The following PLCB1 variants were observed in gnomAD, a reference collection of about 807,000 sequenced individuals.
The protein encoded by PLCB1 is 1-phosphatidylinositol 4,5-bisphosphate phosphodiesterase beta-1.
A neutral mutation model predicts 161.8 loss-of-function variants in PLCB1; 46 were observed. The observed-to-expected ratio is 0.28, with a 90% confidence interval of 0.22 to 0.36. The LOEUF (loss-of-function observed/expected upper bound fraction) is 0.36, where lower values mean the gene tolerates loss of function less well. Among genes scored for constraint, PLCB1 ranks in the 10% least tolerant of loss-of-function variants. PLCB1 has a pLI of 1.00. For synonymous variants in PLCB1, 517 were observed against 503.7 expected, an observed-to-expected ratio of 1.03 and a Z score of -0.35; for missense variants, 1,016 against 1,472.5, an observed-to-expected ratio of 0.69 and a Z score of 5.07.
intron 2 of PLCB1, among the ~76,000 whole-genome samples, chr20:8,270,290 T>C (rs1407274284): frequency 2.0e-5 from 3 of 152,150 alleles, no homozygotes; most frequent in Non-Finnish European, 4.4e-5. Flanking sequence ...CACCCTGCCC[T>C]TCAACTTGCT....
intron 2 of PLCB1, among the ~76,000 whole-genome samples, chr20:8,182,921 T>G (rs1010216108): frequency 1.3e-5 from 2 of 152,254 alleles, no homozygotes; most frequent in Non-Finnish European, 2.9e-5. Flanking sequence ...GAGATAAAAT[T>G]TGACTCTATA....
At chr20:8,721,864 C>G (rs537387926) in intron 14 of PLCB1, among the ~76,000 whole-genome samples, 5 of 152,120 alleles carry the variant, frequency 3.3e-5, no homozygotes, top group Non-Finnish European at 7.3e-5. Context: ...AATGTCAACA[C>G]AAGATCACTG....
intron 3 of PLCB1, among the ~76,000 whole-genome samples, chr20:8,407,904 A>G (rs1372575456): frequency 2.0e-5 from 3 of 152,068 alleles, no homozygotes; most frequent in Non-Finnish European, 2.9e-5. Flanking sequence ...AAAATACCTG[A>G]GCAGGATTCC....
At chr20:8,542,586 G>A (rs1162578270) in intron 3 of PLCB1, among the ~76,000 whole-genome samples, 3 of 152,258 alleles carry the variant, frequency 2.0e-5, no homozygotes, top group South Asian at 2.1e-4. Flanking sequence ...TTGAGAGCGG[G>A]GGAGAAAAAG....
At chr20:8,470,346 C>G (rs140708580) in intron 3 of PLCB1, among the ~76,000 whole-genome samples, 20 of 152,102 alleles carry the variant, frequency 1.3e-4, no homozygotes, top group Admixed American at 1.3e-3. Flanking sequence ...TGACAGTTTT[C>G]CTAAAGAGTT....
intron 3 of PLCB1, among the ~76,000 whole-genome samples, chr20:8,498,926 CG>C (rs1740058591): frequency 6.6e-6 from 1 of 152,088 alleles, no homozygotes; most frequent in Admixed American, 6.5e-5. Context: ...AAGTACAGCA[CG>C]GGTCATTAGT....
chr20:8,310,543 T>A (rs1984349361), intron 2 of PLCB1, among the ~76,000 whole-genome samples: 1 of 152,212 alleles, frequency 6.6e-6, no homozygotes, highest in Admixed American at 6.5e-5. Flanking sequence ...AAAGGGGTAT[T>A]TGGGGGCTGT....
chr20:8,265,901 A>G (rs1475746387), intron 2 of PLCB1, among the ~76,000 whole-genome samples: 1 of 152,218 alleles, frequency 6.6e-6, no homozygotes, highest in Non-Finnish European at 1.5e-5. Context: ...GTGGAAATCA[A>G]TCATTAGAGT....
chr20:8,433,558 G>A (rs1320748874), intron 3 of PLCB1, among the ~76,000 whole-genome samples: 1 of 147,188 alleles, frequency 6.8e-6, no homozygotes, highest in Non-Finnish European at 1.5e-5. Context: ...AATCTCCCAT[G>A]CCTGTTTTCT....
chr20:8,538,514 T>C (rs2876133), intron 3 of PLCB1, among the ~76,000 whole-genome samples: 95,963 of 151,864 alleles, frequency 0.63, 31,019 homozygotes, highest in African/African-American at 0.76. Flanking sequence ...CCTGGCTAAT[T>C]TTTAAAAAAT....
rs147856693 is a variant in PLCB1 at position 8,757,865 on chromosome 20, G to GAATAAATA, written c.2656+710_2656+717dup. Among the ~76,000 whole-genome samples the GAATAAATA allele has an allele frequency of 1.8e-3, 271 of 148,852 alleles. 2 individuals are homozygous for GAATAAATA. The highest frequency in any genetic ancestry group is 6.0e-3 in the African/African-American group (244 of 40,374). On this transcript the variant is annotated intron_variant, in intron 24 of 31. Transcript: ENST00000338037. Reference sequence around the variant, plus strand: ...GTCTCATTTCTCAAAATGAATAAATGAATAAATAAATAAATAAATAAATAA... The same window carrying GAATAAATA: ...GTCTCATTTCTCAAAATGAATAAATGAATAAATAAATAAATAAATAAATAAATAAATAA...
At chr20:8,846,997 A>G (rs1986711748) in intron 31 of PLCB1, among the ~76,000 whole-genome samples, 1 of 152,212 alleles carries the variant, frequency 6.6e-6, no homozygotes, top group Non-Finnish European at 1.5e-5. Context: ...AAATATTGGA[A>G]TCAGAGGAGC....
chr20:8,209,265 A>G (rs1978694186), intron 2 of PLCB1, among the ~76,000 whole-genome samples: 1 of 152,088 alleles, frequency 6.6e-6, no homozygotes, highest in Admixed American at 6.6e-5. Flanking sequence ...GGGTTTGTCA[A>G]CAATTGTAGA....
In PLCB1 at chr20:8,150,608, T is replaced by C. The variant is rs1232436246; in HGVS notation, c.177+237T>C. On this transcript the variant is annotated intron_variant, in intron 2 of 31. Coordinates refer to ENST00000338037, the MANE Select transcript of PLCB1 (RefSeq NM_015192.4). ...CAATTGGTATTTTTGGTTCTGTTTATATTATGTGTTAGGATAAGAACAGGG... is the reference window on the plus strand; with the variant it reads ...CAATTGGTATTTTTGGTTCTGTTTACATTATGTGTTAGGATAAGAACAGGG... Among the ~76,000 whole-genome samples the C allele has an allele frequency of 1.3e-5, 2 of 152,198 alleles. 1 individual carries two copies. Among genetic ancestry groups the C allele is most frequent in the East Asian group, 3.8e-4 (2 of 5,202 alleles).
At chr20:8,429,576 G>C (rs1014483938) in intron 3 of PLCB1, among the ~76,000 whole-genome samples, 1 of 151,884 alleles carries the variant, frequency 6.6e-6, no homozygotes, top group Non-Finnish European at 1.5e-5. Flanking sequence ...ATGATGGTTT[G>C]TAAAACTTCA....
Position 8,235,892 on chromosome 20 carries a change from G to A in PLCB1, c.177+85521G>A, listed in dbSNP as rs1247425183. Among the ~76,000 whole-genome samples, 3 of 151,962 alleles carry A rather than the reference G, an allele frequency of 2.0e-5. No homozygotes were observed. In the South Asian group the frequency reaches 6.2e-4, roughly 32 times the overall value. Reference sequence around the variant, plus strand: ...GACCTATATTTAAAAAAAATCTTAAGGCGTGTATAGGATTCTTGTATTAAA... The same window carrying A: ...GACCTATATTTAAAAAAAATCTTAAAGCGTGTATAGGATTCTTGTATTAAA... On this transcript the variant is annotated intron_variant, in intron 2 of 31. Transcript: ENST00000338037.
At chr20:8,420,292 C>T (rs534708847) in intron 3 of PLCB1, among the ~76,000 whole-genome samples, 1 of 152,292 alleles carries the variant, frequency 6.6e-6, no homozygotes, top group East Asian at 1.9e-4. Context: ...TACCTACTAT[C>T]CTTGCAAGAG....
intron 26 of PLCB1, among the ~76,000 whole-genome samples, chr20:8,767,864 C>T (rs1160459027): frequency 6.6e-6 from 1 of 152,156 alleles, no homozygotes; most frequent in African/African-American, 2.4e-5. Flanking sequence ...TGTATTTTCT[C>T]ACAGTTTTGG....
intron 14 of PLCB1, among the ~76,000 whole-genome samples, chr20:8,720,919 A>G (rs1979595524): frequency 6.6e-6 from 1 of 152,052 alleles, no homozygotes; most frequent in African/African-American, 2.4e-5. Flanking sequence ...CTTAAGTGGC[A>G]ATACCCTAAA....
Sources: gnomAD v4.1 joint callset for allele counts (sites outside exome capture counted in the v4.1 genomes callset) on GRCh38, gnomAD v4.1.1 for gene constraint, MANE v1.5 for transcripts, NCBI Gene and HGNC (gene_info 2026-07-23, HGNC 2026-07-21) for gene names.